The following KCNQ1 variants were observed in gnomAD, a reference collection of about 807,000 sequenced individuals.
KCNQ1 encodes the protein potassium voltage-gated channel subfamily Q member 1.
Under a neutral mutation model 72.4 loss-of-function variants are expected in KCNQ1, and 49 were observed. The ratio of observed to expected loss-of-function variants is 0.68; its 90% CI spans 0.54 to 0.86. The LOEUF is 0.86. Among genes scored for constraint, KCNQ1 ranks in the 40% least tolerant of loss-of-function variants. The pLI is 0.00. For synonymous variants in KCNQ1, 450 were observed against 412.6 expected (o/e 1.09, Z -1.10); for missense variants, 790 against 945.1 (o/e 0.84, Z 2.15).
intron 11 of KCNQ1, chr11:2,665,053 A>G (rs1850040027): frequency 2.5e-6 from 1 of 398,374 alleles, no homozygotes; most frequent in Non-Finnish European, 4.4e-6. Flanking sequence ...GATGCAAGCT[A>G]GGGAGTCATG....
chr11:2,661,913 C>T lies in KCNQ1; in HGVS notation c.1394-48C>T. ...CACAGGCCTGGCTCCACAGCACTGG[C>T]AGGTTGGGTGGGAGGCCTAACGTGC... On this transcript the variant is annotated intron_variant, in intron 10 of 15. Transcript: ENST00000155840. The surrounding 1 kb of genome is among the most constrained non-coding windows in gnomAD (Gnocchi z 5.9). The T allele has an allele frequency of 1.2e-6, 2 of 1,613,674 alleles. No homozygotes were observed. Among genetic ancestry groups the T allele is most frequent in the Non-Finnish European group, 1.7e-6 (2 of 1,179,832 alleles).
At chr11:2,771,965 C>T (rs933203868) in intron 12 of KCNQ1, among the ~76,000 whole-genome samples, 17 of 152,340 alleles carry the variant, frequency 1.1e-4, no homozygotes, top group Admixed American at 1.0e-3. Context: ...TCTGCTTCTC[C>T]ACTGCTCCCT....
intron 11 of KCNQ1, chr11:2,667,195 G>C (rs1034634521): frequency 1.0e-5 from 4 of 398,578 alleles, no homozygotes; most frequent in African/African-American, 8.2e-5. Flanking sequence ...CAGCTGTGGC[G>C]GCCCCCCGTG....
intron 2 of KCNQ1, among the ~76,000 whole-genome samples, chr11:2,548,677 T>A (rs559618196): frequency 4.7e-4 from 71 of 152,236 alleles, no homozygotes; most frequent in Non-Finnish European, 9.4e-4. Context: ...AGTGACCCAC[T>A]TCAAGGTGAC....
chr11:2,556,223 G>A (rs75501030), intron 2 of KCNQ1, among the ~76,000 whole-genome samples: 10,066 of 152,284 alleles, frequency 0.066, 622 homozygotes, highest in African/African-American at 0.15. Flanking sequence ...CCAGTTGTAT[G>A]GGAATAGGGG....
chr11:2,483,959 C>A lies in KCNQ1; in HGVS notation c.386+38475C>A, dbSNP rs1401620856. On this transcript the variant is annotated intron_variant, in intron 1 of 15. Transcript: ENST00000155840. This position sits in a 1 kb window ranked among gnomAD's most constrained non-coding sequence, Gnocchi z 6.1. ...GCCCATCAGCTGGTTTTGCTTGTGA[C>A]AGGCAAAGTCTGTGGTGCTTGCCAA... is the stretch of plus-strand genomic sequence containing the variant. Among the ~76,000 whole-genome samples the A allele has an allele frequency of 6.6e-6, 1 of 152,194 alleles. No homozygotes were observed. Among genetic ancestry groups the A allele is most frequent in the African/African-American group, 2.4e-5 (1 of 41,446 alleles).
chr11:2,797,625 T>A (rs1221814002), intron 15 of KCNQ1, among the ~76,000 whole-genome samples: 1 of 152,030 alleles, frequency 6.6e-6, no homozygotes, highest in East Asian at 1.9e-4. Flanking sequence ...GTCTTGAAGG[T>A]TCTTTGCCTT....
chr11:2,660,944 A>C, intron 10 of KCNQ1: 1 of 398,682 alleles, frequency 2.5e-6, no homozygotes, highest in Non-Finnish European at 4.4e-6. Context: ...GATATACAGA[A>C]TGGTTAGCTG....
At chr11:2,456,714 G>A (rs1358454219) in intron 1 of KCNQ1, among the ~76,000 whole-genome samples, 14 of 141,834 alleles carry the variant, frequency 9.9e-5, no homozygotes, top group African/African-American at 3.7e-4. Flanking sequence ...CAGGTCAGGA[G>A]ATCGAGACCA....
At position 2,572,887 on chromosome 11, in the gene KCNQ1, C is replaced by G; in HGVS notation, c.822C>G (p.Ile274Met). The G allele has an allele frequency of 6.2e-7, 1 of 1,613,840 alleles. No individual in the cohort carries two copies. The highest frequency in any genetic ancestry group is 8.5e-7 in the Non-Finnish European group (1 of 1,180,028). Reference sequence around the variant, plus strand: ...TGTACATCGGCTTCCTGGGCCTCATCTTCTCCTCGTACTTTGTGTACCTGG... The same window carrying G: ...TGTACATCGGCTTCCTGGGCCTCATGTTCTCCTCGTACTTTGTGTACCTGG... ...TTLYIGFLGL[I>M]FSSYFVYLAE... The change falls in exon 6 of 16, where the codon ATC (isoleucine) becomes ATG (methionine). Residue 274 changes from isoleucine (I) to methionine (M), a missense_variant. Physicochemically the swap from Ile to Met is conservative, Grantham distance 10 (BLOSUM62 1). This residue lies in a region of KCNQ1 where 133 missense variants were observed against 219.5 expected (regional missense o/e 0.61). Transcript: ENST00000155840.
Position 2,508,351 on chromosome 11 carries a change from G to A in KCNQ1, c.387-19577G>A, listed in dbSNP as rs141328102. Among the ~76,000 whole-genome samples, 200 of 152,290 alleles carry A rather than the reference G, an allele frequency of 1.3e-3. No homozygotes were observed. The highest frequency in any genetic ancestry group is 2.2e-3 in the Non-Finnish European group (152 of 68,008). ...AGGCCAGGAGCCCATCATTGTCCTG[G>A]AACCTGGGCTTGGCAGGGCAAGCTT... On this transcript the variant is annotated intron_variant, in intron 1 of 15. Transcript: ENST00000155840. This position sits in a 1 kb window ranked among gnomAD's most constrained non-coding sequence, Gnocchi z 6.2.
chr11:2,719,054 G>A (rs1851156583), intron 11 of KCNQ1, among the ~76,000 whole-genome samples: 1 of 152,250 alleles, frequency 6.6e-6, no homozygotes, highest in Non-Finnish European at 1.5e-5. Context: ...CCGCCCCTGA[G>A]TGTGTGCTGG....
intron 10 of KCNQ1, among the ~76,000 whole-genome samples, chr11:2,589,294 TG>T (rs1320503206): frequency 2.0e-5 from 3 of 151,736 alleles, no homozygotes; most frequent in Non-Finnish European, 4.4e-5. Context: ...GGGTAAAACG[TG>T]GGGGGCCTGA....
chr11:2,539,540 T>C (rs112106242), intron 2 of KCNQ1, among the ~76,000 whole-genome samples: 9,503 of 152,306 alleles, frequency 0.062, 382 homozygotes, highest in Non-Finnish European at 0.091. Context: ...GCCAAGCCGA[T>C]GGCTGTGCTG....
At position 2,662,100 on chromosome 11, in the gene KCNQ1, G is replaced by A. The variant is rs201932283; in HGVS notation, c.1514+19G>A. ...TCTCACAGTGAGTGCCTACATGTGC[G>A]TGAAGGGCTGGGCTGGAGGGGACTG... On this transcript the variant is annotated intron_variant, in intron 11 of 15. Transcript: ENST00000155840. 100 of 1,614,098 alleles carry A rather than the reference G, an allele frequency of 6.2e-5. No individual in the cohort carries two copies. In the Admixed American group the frequency reaches 1.0e-3, roughly 17 times the overall value.
chr11:2,714,085 G>A (rs1851050093), intron 11 of KCNQ1, among the ~76,000 whole-genome samples: 1 of 152,236 alleles, frequency 6.6e-6, no homozygotes, highest in African/African-American at 2.4e-5. Context: ...TGCGGGCCAG[G>A]ACTCTTTCCG....
chr11:2,461,926 G>A, intron 1 of KCNQ1: 1 of 404,276 alleles, frequency 2.5e-6, no homozygotes, highest in Non-Finnish European at 4.8e-6. Context: ...CCCACTGGGT[G>A]CAGCTGTCTG....
intron 10 of KCNQ1, chr11:2,640,447 G>A: frequency 2.5e-6 from 1 of 398,454 alleles, no homozygotes; most frequent in East Asian, 3.6e-5. Context: ...CACCATGCCT[G>A]GATAACTTCT....
intron 11 of KCNQ1, among the ~76,000 whole-genome samples, chr11:2,718,506 G>C (rs985462828): frequency 6.6e-6 from 1 of 152,214 alleles, no homozygotes; most frequent in Non-Finnish European, 1.5e-5. Context: ...CCAGGAATTG[G>C]CTTCCAGTGG....
Sources: allele counts gnomAD v4.1 joint callset (sites outside exome capture counted in the v4.1 genomes callset), GRCh38; gene constraint gnomAD v4.1.1; regional missense constraint gnomAD v4.1.1; non-coding constraint Gnocchi (gnomAD v3.1); transcripts MANE v1.5; gene names NCBI Gene and HGNC (gene_info 2026-07-23, HGNC 2026-07-21).